ATP1B1: variants seen among roughly 807,000 people sequenced by gnomAD.
ATP1B1 encodes the protein sodium/potassium-transporting ATPase subunit beta-1.
Under a neutral mutation model 39.6 loss-of-function variants are expected in ATP1B1, and 3 were observed. That is an observed-to-expected ratio of 0.08 (90% confidence interval 0.03 to 0.20). The LOEUF is 0.20. Among genes scored for constraint, ATP1B1 ranks in the 10% least tolerant of loss-of-function variants. The pLI, the probability that ATP1B1 is intolerant of heterozygous loss-of-function variation, is 1.00. For missense variants in ATP1B1, 216 were observed against 371.1 expected (o/e 0.58, Z 3.43); for synonymous variants, 139 against 135.0 (o/e 1.03, Z -0.20).
chr1:169,111,593 T>G, intron 2 of ATP1B1, 95 bp downstream of exon 2: 1 of 1,507,584 alleles, frequency 6.6e-7, no homozygotes, highest in Non-Finnish European at 9.0e-7. Context: ...TACTCTATAA[T>G]GTAGTCTTAA....
At chr1:169,121,742 C>A (rs1320856694) in intron 2 of ATP1B1, among the ~76,000 whole-genome samples, 1 of 152,206 alleles carries the variant, frequency 6.6e-6, no homozygotes, top group Non-Finnish European at 1.5e-5. Flanking sequence ...TTACTCTCAA[C>A]ATGACCTTCT....
chr1:169,116,576 C>G (rs564348269), intron 2 of ATP1B1, among the ~76,000 whole-genome samples: 3 of 152,032 alleles, frequency 2.0e-5, no homozygotes, highest in African/African-American at 7.2e-5. Flanking sequence ...AGGGGCCTGG[C>G]GCAGTGGCTC....
At position 169,130,076 on chromosome 1, in the gene ATP1B1, C is replaced by G; in HGVS notation, c.634C>G (p.Gln212Glu). The change falls in exon 5 of 6, where the codon CAG becomes GAG. Residue 212 changes from glutamine (Q) to glutamate (E), a missense_variant. Coordinates refer to ENST00000367815, the MANE Select transcript of ATP1B1 (RefSeq NM_001677.4). The part of the protein sequence containing the change: ...MKYNPNVLPV[Q>E]CTGKRDEDKD... ...GTATAACCCAAATGTCCTTCCCGTTCAGTGCACTGGCAAGGTAAAGACAAA... is the reference window on the plus strand; with the variant it reads ...GTATAACCCAAATGTCCTTCCCGTTGAGTGCACTGGCAAGGTAAAGACAAA... The G allele has an allele frequency of 6.2e-7, 1 of 1,613,830 alleles. No individual in the cohort carries two copies. Among genetic ancestry groups the G allele is most frequent in the South Asian group, 1.1e-5 (1 of 91,018 alleles).
At chr1:169,113,169 G>A (rs777685181) in intron 2 of ATP1B1, among the ~76,000 whole-genome samples, 3 of 151,982 alleles carry the variant, frequency 2.0e-5, no homozygotes, top group South Asian at 4.2e-4. Flanking sequence ...AGGTTCAAGC[G>A]ATTCTCCTGT....
Position 169,131,192 on chromosome 1 carries a change from A to G in ATP1B1, c.649-100A>G, listed in dbSNP as rs761229836. ...CTGAGTAGATGTTCTTTCCTCTCTC[A>G]GTAGTTTGCAAACTACTGTGTAGAT... On this transcript the variant is annotated intron_variant, in intron 5 of 5. Transcript: ENST00000367815. The surrounding 1 kb of genome is among the most constrained non-coding windows in gnomAD (Gnocchi z 4.4). The G allele has an allele frequency of 2.3e-5, 33 of 1,429,158 alleles. No homozygotes were observed. The highest frequency in any genetic ancestry group is 2.8e-5 in the Non-Finnish European group (29 of 1,044,792). 88.5% of individuals were successfully genotyped at this position (1,429,158 alleles called of 1,614,324 possible). A position where few individuals can be genotyped will look rare whatever the true frequency, so the allele number is the denominator to read the frequency against.
rs34447553 is a variant in ATP1B1, at chr1:169,132,019, ATTT to A, written c.*484_*486del. The A allele has an allele frequency of 5.1e-4, 97 of 190,738 alleles. No homozygotes were observed. The highest frequency in any genetic ancestry group is 1.3e-3 in the Middle Eastern group (1 of 786). 11.8% of individuals were successfully genotyped at this position (190,738 alleles called of 1,614,324 possible). ...CAACGGGAATAAAACTGGCATGGTA[ATTT>A]TTTTTTTTTTTTTTTTTTTGTTTTT... On this transcript the variant is annotated 3_prime_UTR_variant, in exon 6 of 6. Coordinates refer to ENST00000367815, the MANE Select transcript of ATP1B1 (RefSeq NM_001677.4).
chr1:169,127,680 T>G (rs1658116682), intron 4 of ATP1B1, among the ~76,000 whole-genome samples: 1 of 152,024 alleles, frequency 6.6e-6, no homozygotes, highest in Admixed American at 6.6e-5. Flanking sequence ...CTGCTCAGTA[T>G]CCAGATAACA....
chr1:169,107,268 C>T (rs963957281), intron 1 of ATP1B1, among the ~76,000 whole-genome samples: 1 of 151,344 alleles, frequency 6.6e-6, no homozygotes, highest in Admixed American at 6.6e-5. Context: ...ACATTTGTCT[C>T]TCCCGTGTCC....
At chr1:169,128,541 G>A (rs1466818167) in intron 4 of ATP1B1, among the ~76,000 whole-genome samples, 4 of 152,196 alleles carry the variant, frequency 2.6e-5, no homozygotes, top group African/African-American at 9.7e-5. Flanking sequence ...AGAAATTAAT[G>A]TACCTCTCAA....
chr1:169,121,057 C>T (rs1415275670), intron 2 of ATP1B1, among the ~76,000 whole-genome samples: 3 of 150,814 alleles, frequency 2.0e-5, no homozygotes, highest in South Asian at 2.1e-4. Flanking sequence ...AAGCGATTCT[C>T]GTGCCTCAGC....
At chr1:169,121,347 G>A (rs1657977191) in intron 2 of ATP1B1, among the ~76,000 whole-genome samples, 3 of 152,170 alleles carry the variant, frequency 2.0e-5, no homozygotes, top group Non-Finnish European at 2.9e-5. Flanking sequence ...CTAGGCTCCT[G>A]GGGAATGCAC....
chr1:169,110,792 C>T (rs1161939424), intron 1 of ATP1B1: 4 of 785,142 alleles, frequency 5.1e-6, no homozygotes, highest in Non-Finnish European at 7.0e-6. Flanking sequence ...ATAATACAAA[C>T]CAAAGGGAGA....
Position 169,131,768 on chromosome 1 carries a change from A to G in ATP1B1, c.*213A>G. 1.5e-6 allele frequency: 1 copy of G among 648,592 alleles called. No homozygotes were observed. Among genetic ancestry groups the G allele is most frequent in the Non-Finnish European group, 2.5e-6 (1 of 407,458 alleles). 40.2% of individuals were successfully genotyped at this position (648,592 alleles called of 1,614,324 possible). On this transcript the variant is annotated 3_prime_UTR_variant, in exon 6 of 6. Transcript: ENST00000367815. The surrounding 1 kb of genome is among the most constrained non-coding windows in gnomAD (Gnocchi z 4.4). ...TTATTCTACTGTAAATGACAAAAGAAAAAGAAAAATTGAGCCTTGGGACGT... is the reference window on the plus strand; with the variant it reads ...TTATTCTACTGTAAATGACAAAAGAGAAAGAAAAATTGAGCCTTGGGACGT...
At chr1:169,114,025 C>A (rs1181376905) in intron 2 of ATP1B1, among the ~76,000 whole-genome samples, 2 of 151,940 alleles carry the variant, frequency 1.3e-5, no homozygotes, top group African/African-American at 4.8e-5. Context: ...TAACCTTGAT[C>A]AGGCCAGGCC....
Position 169,106,803 on chromosome 1 carries a change from C to G in ATP1B1, c.-27C>G, listed in dbSNP as rs1320277387. On this transcript the variant is annotated 5_prime_UTR_variant, in exon 1 of 6. Coordinates refer to ENST00000367815, the MANE Select transcript of ATP1B1 (RefSeq NM_001677.4). ...CGCCGCAGCCACCCACCCTCCGGAC[C>G]GCGGCAGCTGCTGACCCGCCATCGC... 7 of 1,557,924 alleles carry G rather than the reference C, an allele frequency of 4.5e-6. No individual in the cohort carries two copies. The highest frequency in any genetic ancestry group is 2.8e-5 in the African/African-American group (2 of 70,334).
Sources: allele counts gnomAD v4.1 joint callset (sites outside exome capture counted in the v4.1 genomes callset), GRCh38; gene constraint gnomAD v4.1.1; non-coding constraint Gnocchi (gnomAD v3.1); transcripts MANE v1.5; gene names NCBI Gene and HGNC (gene_info 2026-07-23, HGNC 2026-07-21).